Variants in MBTD1 observed in about 807,000 individuals in gnomAD.
MBTD1 encodes the protein mbt domain containing 1.
A neutral mutation model predicts 87.8 loss-of-function variants in MBTD1; 24 were observed. That is an observed-to-expected ratio of 0.27 (90% CI 0.20 to 0.38). The LOEUF is 0.38. Among genes scored for constraint, MBTD1 ranks in the 10% least tolerant of loss-of-function variants. The pLI, the probability that MBTD1 is intolerant of heterozygous loss-of-function variation, is 1.00. For missense variants in MBTD1, 436 were observed against 760.2 expected (o/e 0.57, Z 5.02); for synonymous variants, 237 against 248.6 (o/e 0.95, Z 0.44).
intron 12 of MBTD1, among the ~76,000 whole-genome samples, chr17:51,196,492 C>T (rs1266267100): frequency 1.3e-5 from 2 of 151,982 alleles, no homozygotes; most frequent in South Asian, 2.1e-4. Context: ...GCTGCCCCCC[C>T]TTTTTAAAAC....
chr17:51,203,762 A>G, intron 8 of MBTD1, 29 bp downstream of exon 8: 1 of 1,591,772 alleles, frequency 6.3e-7, no homozygotes, highest in Non-Finnish European at 8.5e-7. Flanking sequence ...ATATAAAAAA[A>G]TTACGGTAAG....
chr17:51,198,170 A>G (rs2051247563), intron 12 of MBTD1, among the ~76,000 whole-genome samples: 1 of 152,158 alleles, frequency 6.6e-6, no homozygotes, highest in Non-Finnish European at 1.5e-5. Flanking sequence ...CCACAACTCC[A>G]CCTCAACTTG....
intron 16 of MBTD1, among the ~76,000 whole-genome samples, chr17:51,187,866 G>GAAAAAAA (rs71149350): frequency 8.5e-6 from 1 of 118,152 alleles, no homozygotes; most frequent in Non-Finnish European, 1.8e-5. Flanking sequence ...AAGAAAGAAA[G>GAAAAAAA]AAAAAAAAAA....
At chr17:51,216,679 T>C (rs182784572) in intron 6 of MBTD1, among the ~76,000 whole-genome samples, 15 of 152,368 alleles carry the variant, frequency 9.8e-5, no homozygotes, top group Admixed American at 7.8e-4. Context: ...ACACAATGAA[T>C]GGTTTGTTAG....
upstream of MBTD1, chr17:51,260,137 A>G (rs370798631): frequency 5.5e-6 from 2 of 361,994 alleles, no homozygotes; most frequent in African/African-American, 4.2e-5. Flanking sequence ...TCTCGCTTCC[A>G]CCGTGGGACC....
chr17:51,197,586 CA>C, intron 12 of MBTD1, among the ~76,000 whole-genome samples: 1 of 151,330 alleles, frequency 6.6e-6, no homozygotes, highest in African/African-American at 2.4e-5. Flanking sequence ...TGGCTCACTG[CA>C]GCCAACTTCC....
chr17:51,225,748 G>A (rs1164736285), intron 2 of MBTD1, among the ~76,000 whole-genome samples: 2 of 150,536 alleles, frequency 1.3e-5, no homozygotes, highest in African/African-American at 4.9e-5. Context: ...TTTTAATTAT[G>A]GGATGGGCGT....
intron 2 of MBTD1, among the ~76,000 whole-genome samples, chr17:51,244,994 A>G (rs937872142): frequency 1.3e-5 from 2 of 151,900 alleles, no homozygotes. Context: ...TCCGCCTCCC[A>G]GGTTCAAGTG....
chr17:51,224,785 T>C (rs1366005718), intron 3 of MBTD1, among the ~76,000 whole-genome samples: 1 of 152,242 alleles, frequency 6.6e-6, no homozygotes, highest in Non-Finnish European at 1.5e-5. Flanking sequence ...ACATGAAGTT[T>C]CTCACTGGCC....
At chr17:51,201,945 C>T in intron 11 of MBTD1, 77 bp downstream of exon 11, 1 of 1,020,458 alleles carries the variant, frequency 9.8e-7, no homozygotes, top group Non-Finnish European at 1.5e-6. Flanking sequence ...ATTGTGATTT[C>T]CGTAATTTTA....
chr17:51,179,510 A>ATT lies in MBTD1; in HGVS notation c.*1065_*1066insAA, dbSNP rs1568136016. On this transcript the variant is annotated 3_prime_UTR_variant, in exon 17 of 17. Transcript: ENST00000586178. ...TATATATATATATATATATATATAT[A>ATT]TATATATATATATATATATATATAT... 74 of 95,710 alleles carry ATT rather than the reference A, an allele frequency of 7.7e-4. 3 individuals are homozygous for ATT. The highest frequency in any genetic ancestry group is 1.3e-3 in the Non-Finnish European group (58 of 45,738). 5.9% of individuals were successfully genotyped at this position (95,710 alleles called of 1,614,324 possible).
chr17:51,239,838 TTC>T (rs2054063246), intron 2 of MBTD1, among the ~76,000 whole-genome samples: 1 of 152,160 alleles, frequency 6.6e-6, no homozygotes, highest in South Asian at 2.1e-4. Flanking sequence ...AATAAGGATA[TTC>T]TCTTACATAA....
At chr17:51,233,741 T>A (rs554618874) in intron 2 of MBTD1, among the ~76,000 whole-genome samples, 109 of 152,212 alleles carry the variant, frequency 7.2e-4, no homozygotes, top group African/African-American at 2.4e-3. Flanking sequence ...AAGCCCAGCT[T>A]AATGATTTAA....
In MBTD1 at chr17:51,259,877, T is replaced by A. The variant is rs2055367871; in HGVS notation, c.-155A>T. The A allele has an allele frequency of 8.1e-7, 1 of 1,231,358 alleles. No individual in the cohort carries two copies. The allele number at this position is 1,231,358 out of a possible 1,614,324, so 76.3% of individuals were successfully genotyped here. A position where few individuals can be genotyped will look rare whatever the true frequency, so the allele number is the denominator to read the frequency against. ...CCATCAGGGCCTCATGGGTAGGGGTTGTCCGTGCTCCCCGAGCCCGCGGCG... is the reference window on the plus strand; with the variant it reads ...CCATCAGGGCCTCATGGGTAGGGGTAGTCCGTGCTCCCCGAGCCCGCGGCG... On this transcript the variant is annotated 5_prime_UTR_variant, in exon 1 of 17. Transcript: ENST00000586178.
intron 6 of MBTD1, among the ~76,000 whole-genome samples, chr17:51,208,178 A>C (rs2051959069): frequency 6.6e-6 from 1 of 152,192 alleles, no homozygotes; most frequent in Non-Finnish European, 1.5e-5. Context: ...TAGTTTCTGG[A>C]ATTTCTGAAG....
rs34001512 is a variant in MBTD1 at position 51,225,257 on chromosome 17, A to AC, written c.-48-49dup. 1.3e-5 allele frequency: 14 copies of AC among 1,050,742 alleles called. No individual in the cohort carries two copies. In the South Asian group the frequency reaches 3.2e-4, roughly 24 times the overall value. 65.1% of individuals were successfully genotyped at this position (1,050,742 alleles called of 1,614,324 possible). A position where few individuals can be genotyped will look rare whatever the true frequency, so the allele number is the denominator to read the frequency against. ...GACACATGACACAACACTCATACAC[A>AC]CCCCCTAAAAGACCCTAGCACAAAT... On this transcript the variant is annotated intron_variant, in intron 2 of 16. Transcript: ENST00000586178.
chr17:51,220,279 C>A, intron 4 of MBTD1, 51 bp downstream of exon 4: 1 of 1,494,140 alleles, frequency 6.7e-7, no homozygotes, highest in Non-Finnish European at 9.0e-7. Context: ...AGATAAATGG[C>A]AAAAGCCATA....
At chr17:51,250,196 C>T (rs955549670) in intron 2 of MBTD1, 1 of 151,960 alleles carries the variant, frequency 6.6e-6, no homozygotes, top group Non-Finnish European at 1.5e-5. Context: ...TGAGCCACCA[C>T]ACATGGCCTT....
In MBTD1 at chr17:51,180,659, C is replaced by T; in HGVS notation, c.1804G>A (p.Gly602Arg). 1 of 1,550,316 alleles carries T rather than the reference C, an allele frequency of 6.5e-7. No individual in the cohort carries two copies. The highest frequency in any genetic ancestry group is 8.7e-7 in the Non-Finnish European group (1 of 1,145,646). ...CCTTGAAGGAAATTATAATCCTCTCCATCCAGCAACTCCTCCTTCAGCTGC... is the reference window on the plus strand; with the variant it reads ...CCTTGAAGGAAATTATAATCCTCTCTATCCAGCAACTCCTCCTTCAGCTGC... ...TLQLKEELLD[G>R]EDYNFLQGAS... The change falls in exon 17 of 17, where the codon GGA becomes AGA. Residue 602 changes from glycine to arginine, a missense_variant. This residue lies in a region of MBTD1 where 32 missense variants were observed against 34.7 expected (regional missense o/e 0.92). Coordinates refer to ENST00000586178, the MANE Select transcript of MBTD1 (RefSeq NM_017643.3).
Sources: gnomAD v4.1 joint callset for allele counts (sites outside exome capture counted in the v4.1 genomes callset) on GRCh38, gnomAD v4.1.1 for gene constraint, gnomAD v4.1.1 regional missense constraint, MANE v1.5 for transcripts, NCBI Gene and HGNC (gene_info 2026-07-23, HGNC 2026-07-21) for gene names.